Variants in TACC2 observed in about 807,000 individuals in gnomAD.
The protein encoded by TACC2 is transforming acidic coiled-coil-containing protein 2.
A neutral mutation model predicts 227.3 loss-of-function variants in TACC2; 137 were observed. That is an observed-to-expected ratio of 0.60 (90% CI 0.52 to 0.69). The LOEUF is 0.69. Among genes scored for constraint, TACC2 ranks in the 30% least tolerant of loss-of-function variants. The pLI is 0.00. For synonymous variants in TACC2, 1,523 were observed against 1,487.5 expected (o/e 1.02, Z -0.55); for missense variants, 3,470 against 3,694.4 (o/e 0.94, Z 1.57).
At chr10:121,994,927 C>T (rs1953244349) in intron 1 of TACC2, among the ~76,000 whole-genome samples, 1 of 152,112 alleles carries the variant, frequency 6.6e-6, no homozygotes, top group Non-Finnish European at 1.5e-5. Context: ...AGACTATGGC[C>T]CCATTAATCT....
intron 6 of TACC2, among the ~76,000 whole-genome samples, chr10:122,136,543 G>GTATATATATATATATATATATA (rs747076679): frequency 7.7e-5 from 11 of 143,248 alleles, no homozygotes; most frequent in South Asian, 2.2e-4. Flanking sequence ...TTGTGTGTGT[G>GTATATATATATATATATATATA]TGTATATATA....
chr10:122,068,989 C>T (rs1365883503), intron 3 of TACC2, among the ~76,000 whole-genome samples: 1 of 151,864 alleles, frequency 6.6e-6, no homozygotes, highest in Admixed American at 6.6e-5. Flanking sequence ...TGAGGCACCG[C>T]GCGGGCCCAA....
At position 122,249,151 on chromosome 10, in the gene TACC2, G is replaced by A. The variant is rs1406473528; in HGVS notation, c.8655G>A (p.Leu2885=). 2 of 1,608,936 alleles carry A rather than the reference G, an allele frequency of 1.2e-6. No individual in the cohort carries two copies. Among genetic ancestry groups the A allele is most frequent in the Non-Finnish European group, 1.7e-6 (2 of 1,178,274 alleles). Residue 2885 remains leucine (L), a synonymous_variant, in exon 21 of 23, where the codon CTG becomes CTA. Coordinates refer to ENST00000369005, the MANE Select transcript of TACC2 (RefSeq NM_206862.4). ...TGAAGGTGCACGCGGAGGAGAAACTGGACAGGTAACATTTAGCCACTGGGG... is the reference window on the plus strand; with the variant it reads ...TGAAGGTGCACGCGGAGGAGAAACTAGACAGGTAACATTTAGCCACTGGGG... ...QALKVHAEEK[L]DRANAEIAQV...
At chr10:122,078,094 C>T (rs34819670) in intron 3 of TACC2, among the ~76,000 whole-genome samples, 1 of 148,698 alleles carries the variant, frequency 6.7e-6, no homozygotes, top group Non-Finnish European at 1.5e-5. Flanking sequence ...ACTCGGGAGA[C>T]TGAGGCAGGA....
At chr10:122,152,112 G>C (rs2092101859) in intron 7 of TACC2, among the ~76,000 whole-genome samples, 1 of 152,190 alleles carries the variant, frequency 6.6e-6, no homozygotes. Context: ...GTGTTCTCCT[G>C]GGCTAAGAGG....
intron 3 of TACC2, among the ~76,000 whole-genome samples, 194 bp from the exon 4 acceptor site, chr10:122,082,453 A>G (rs2079619940): frequency 6.6e-6 from 1 of 151,976 alleles, no homozygotes; most frequent in Non-Finnish European, 1.5e-5. Flanking sequence ...TTTGGGGGAA[A>G]CGAGGGCATG....
At chr10:122,097,391 AAAGAAGAAAG>A (rs1482831477) in intron 5 of TACC2, among the ~76,000 whole-genome samples, 5 of 152,096 alleles carry the variant, frequency 3.3e-5, no homozygotes, top group Non-Finnish European at 7.4e-5. Context: ...AAGGAGGAGA[AAAGAAGAAAG>A]AAGAAGAAAC....
intron 6 of TACC2, among the ~76,000 whole-genome samples, chr10:122,136,640 C>T (rs2089722587): frequency 6.6e-6 from 1 of 151,622 alleles, no homozygotes; most frequent in Admixed American, 6.6e-5. Context: ...GCAAACTCGG[C>T]CCCCTGGGGC....
chr10:122,075,273 C>A (rs2459063), intron 3 of TACC2, among the ~76,000 whole-genome samples: 144,811 of 151,930 alleles, frequency 0.95, 69,394 homozygotes, highest in East Asian at 1. Flanking sequence ...CGGAATCCTC[C>A]TACCTACCCC....
At chr10:122,018,888 G>T (rs564568315) in intron 1 of TACC2, among the ~76,000 whole-genome samples, 1 of 152,302 alleles carries the variant, frequency 6.6e-6, no homozygotes, top group African/African-American at 2.4e-5. Context: ...GCTCCTAAGG[G>T]TCCTCTGAGC....
rs771085934 is a variant in TACC2, at chr10:122,085,781, C to T, written c.3281C>T (p.Pro1094Leu). The T allele has an allele frequency of 1.5e-5, 24 of 1,613,638 alleles. No individual in the cohort carries two copies. The highest frequency in any genetic ancestry group is 1.3e-4 in the East Asian group (6 of 44,890). The change falls in exon 4 of 23, where the codon CCG becomes CTG. Residue 1094 changes from proline to leucine, a missense_variant. By Grantham distance (98) the Pro-to-Leu change is moderately conservative. Transcript: ENST00000369005. ...ETQEGRQQPVPAPQQKMECWA... is the reference protein window; with the variant it reads ...ETQEGRQQPVLAPQQKMECWA... Reference sequence around the variant, plus strand: ...CAGGAAGGCAGGCAGCAACCAGTGCCGGCCCCGCAGCAGAAAATGGAGTGC... The same window carrying T: ...CAGGAAGGCAGGCAGCAACCAGTGCTGGCCCCGCAGCAGAAAATGGAGTGC...
intron 11 of TACC2, among the ~76,000 whole-genome samples, chr10:122,223,875 T>C (rs2141288829): frequency 6.6e-6 from 1 of 152,350 alleles, no homozygotes; most frequent in East Asian, 1.9e-4. Flanking sequence ...AAGAGGTATC[T>C]GGTAGCTCTA....
At chr10:122,048,864 C>T (rs749871237) in intron 2 of TACC2, among the ~76,000 whole-genome samples, 13 of 152,122 alleles carry the variant, frequency 8.5e-5, no homozygotes, top group Admixed American at 3.3e-4. Flanking sequence ...CCATGTAACG[C>T]GAGTTCTATA....
chr10:122,184,918 C>G (rs2094127230), intron 7 of TACC2, among the ~76,000 whole-genome samples: 1 of 151,986 alleles, frequency 6.6e-6, no homozygotes, highest in African/African-American at 2.4e-5. Context: ...GGGGTCTGTC[C>G]CCTGCCAGGT....
chr10:122,057,817 A>G (rs1166418874), intron 3 of TACC2, among the ~76,000 whole-genome samples: 1 of 151,880 alleles, frequency 6.6e-6, no homozygotes, highest in Non-Finnish European at 1.5e-5. Flanking sequence ...CAAGAGTGAA[A>G]CTCCGTCTCA....
At chr10:122,022,864 T>G (rs1455727454) in intron 2 of TACC2, 2 of 152,220 alleles carry the variant, frequency 1.3e-5, no homozygotes, top group African/African-American at 4.8e-5. Flanking sequence ...AGTTTTTCAT[T>G]ATCTATTTTA....
chr10:122,200,470 A>G (rs2094753921), intron 8 of TACC2, among the ~76,000 whole-genome samples: 1 of 138,092 alleles, frequency 7.2e-6, no homozygotes. Flanking sequence ...CACAGTGGCC[A>G]CATCTACAGT....
At chr10:122,145,231 A>G (rs562145597) in intron 7 of TACC2, among the ~76,000 whole-genome samples, 26 of 152,360 alleles carry the variant, frequency 1.7e-4, no homozygotes, top group African/African-American at 4.8e-4. Context: ...GTATGCATGT[A>G]TTCTTCATAA....
intron 1 of TACC2, among the ~76,000 whole-genome samples, chr10:122,014,312 C>T (rs12773918): frequency 0.45 from 68,673 of 151,182 alleles, 15,719 homozygotes; most frequent in South Asian, 0.6. Context: ...CGAGTTCAAG[C>T]GATTCTCCTG....
Sources: gnomAD v4.1 joint callset for allele counts (sites outside exome capture counted in the v4.1 genomes callset) on GRCh38, gnomAD v4.1.1 for gene constraint, MANE v1.5 for transcripts, NCBI Gene and HGNC (gene_info 2026-07-23, HGNC 2026-07-21) for gene names.